The following OSGIN2 variants were observed in gnomAD, a reference collection of about 807,000 sequenced individuals.
The protein encoded by OSGIN2 is oxidative stress induced growth inhibitor family member 2.
Under a neutral mutation model 53.8 loss-of-function variants are expected in OSGIN2, and 19 were observed. The observed-to-expected ratio is 0.35, with a 90% CI of 0.25 to 0.52. OSGIN2 has a LOEUF of 0.52. Ranked by LOEUF, OSGIN2 falls within the 20% of genes least tolerant of loss-of-function variation. OSGIN2 has a pLI of 0.95. For synonymous variants in OSGIN2, 236 were observed against 236.0 expected (o/e 1.00, Z 0.00); for missense variants, 520 against 662.7 (o/e 0.78, Z 2.36).
At chr8:89,903,561 C>T (rs892985159) in intron 1 of OSGIN2, among the ~76,000 whole-genome samples, 1 of 152,132 alleles carries the variant, frequency 6.6e-6, no homozygotes, top group Non-Finnish European at 1.5e-5. Flanking sequence ...CAGAATAATT[C>T]TATGTAAGAC....
chr8:89,922,851 T>C (rs1809237789), intron 5 of OSGIN2, among the ~76,000 whole-genome samples: 1 of 152,186 alleles, frequency 6.6e-6, no homozygotes, highest in Non-Finnish European at 1.5e-5. Flanking sequence ...CTATAGGGTA[T>C]AGCCTGTTGC....
Position 89,909,778 on chromosome 8 carries a change from T to C in OSGIN2, c.199+57T>C, listed in dbSNP as rs1272719874. 7 of 1,131,750 alleles carry C rather than the reference T, an allele frequency of 6.2e-6. No homozygotes were observed. In the Admixed American group the frequency reaches 1.7e-4, roughly 27 times the overall value. The allele number at this position is 1,131,750 out of a possible 1,614,324, so 70.1% of individuals were successfully genotyped here. The stretch of plus-strand genomic sequence containing the variant: ...TAGTTAATGACCCTTAATACTTTTA[T>C]AAATCTACAGTTAGTACAAGTTCTT... On this transcript the variant is annotated intron_variant, in intron 2 of 5. Transcript: ENST00000451899.
rs554186972 is a variant in OSGIN2 at position 89,905,840 on chromosome 8, G to A, written c.44+3003G>A. ...AGACCTAATATATAAATTCAACGGT[G>A]TTGCAGGATGCAAAATCAACATACA... On this transcript the variant is annotated intron_variant, in intron 1 of 5. Transcript: ENST00000451899. Among the ~76,000 whole-genome samples the A allele has an allele frequency of 3.3e-5, 5 of 152,332 alleles. No homozygotes were observed. The East Asian group carries it at 9.6e-4, about 29-fold the overall frequency.
intron 5 of OSGIN2, 188 bp downstream of exon 5, chr8:89,921,359 C>G (rs936769310): frequency 6.0e-6 from 3 of 498,332 alleles, no homozygotes; most frequent in Non-Finnish European, 1.1e-5. Context: ...AAACTAAGCA[C>G]AGAGCTAAGG....
chr8:89,924,335 T>A (rs191795170), intron 5 of OSGIN2, among the ~76,000 whole-genome samples, 168 bp from the exon 6 acceptor site: 1 of 152,296 alleles, frequency 6.6e-6, no homozygotes, highest in Non-Finnish European at 1.5e-5. Context: ...AAGTAACTCA[T>A]GAAGATTTTT....
intron 1 of OSGIN2, among the ~76,000 whole-genome samples, chr8:89,906,078 ATAT>A (rs1808833138): frequency 2.0e-5 from 3 of 152,228 alleles, no homozygotes; most frequent in Admixed American, 1.3e-4. Context: ...GAAAAACTTA[ATAT>A]TCTGTTTTTT....
At chr8:89,904,319 G>C (rs1196556056) in intron 1 of OSGIN2, among the ~76,000 whole-genome samples, 1 of 152,154 alleles carries the variant, frequency 6.6e-6, no homozygotes, top group Non-Finnish European at 1.5e-5. Flanking sequence ...GCACAGTGTA[G>C]GATTCATATT....
chr8:89,925,509 G>A lies in OSGIN2; in HGVS notation c.1627G>A (p.Gly543Arg). ...QKKKHLFVER[G>R]GGDGIA The stretch of plus-strand genomic sequence containing the variant: ...GAAAAAGCATTTGTTTGTTGAAAGA[G>A]GAGGAGGAGATGGGATAGCTTAAAG... Residue 543 changes from glycine to arginine, a missense_variant, in exon 6 of 6, where the codon GGA becomes AGA. Gly to Arg is a moderately radical substitution (Grantham distance 125, BLOSUM62 -2). Transcript: ENST00000451899. The A allele has an allele frequency of 1.2e-6, 2 of 1,612,662 alleles. No individual in the cohort carries two copies. The highest frequency in any genetic ancestry group is 2.2e-5 in the East Asian group (1 of 44,860).
At chr8:89,910,264 A>G (rs1337810284) in intron 2 of OSGIN2, among the ~76,000 whole-genome samples, 1 of 152,246 alleles carries the variant, frequency 6.6e-6, no homozygotes, top group African/African-American at 2.4e-5. Flanking sequence ...TTAAGATATT[A>G]AAAATTAAAC....
chr8:89,916,977 A>G (rs752153474), intron 4 of OSGIN2, among the ~76,000 whole-genome samples: 28 of 152,078 alleles, frequency 1.8e-4, no homozygotes, highest in Non-Finnish European at 3.4e-4. Context: ...TAGCTTTTCT[A>G]CCATTCCAGA....
chr8:89,920,446 T>C (rs1437479322), intron 4 of OSGIN2, among the ~76,000 whole-genome samples: 3 of 152,210 alleles, frequency 2.0e-5, no homozygotes, highest in Non-Finnish European at 4.4e-5. Flanking sequence ...TTTGGGCTTT[T>C]CTTGCTTTGT....
chr8:89,909,035 A>AAAAAAAAAAT (rs1563465148), intron 1 of OSGIN2, among the ~76,000 whole-genome samples: 1 of 100,238 alleles, frequency 1.0e-5, no homozygotes, highest in African/African-American at 6.2e-5. Context: ...AAAAAAAAAA[A>AAAAAAAAAAT]AAATATATAT....
At chr8:89,902,875 G>A (rs1808753821) in intron 1 of OSGIN2, 38 bp downstream of exon 1, 2 of 1,330,528 alleles carry the variant, frequency 1.5e-6, no homozygotes, top group South Asian at 1.9e-5. Context: ...GAGCAGGCGG[G>A]GATGCCGCGC....
chr8:89,925,389 C>T lies in OSGIN2; in HGVS notation c.1507C>T (p.Leu503Phe). 1 of 1,613,996 alleles carries T rather than the reference C, an allele frequency of 6.2e-7. No individual in the cohort carries two copies. Among genetic ancestry groups the T allele is most frequent in the Admixed American group, 1.7e-5 (1 of 60,006 alleles). The change falls in exon 6 of 6, where the codon CTT becomes TTT. Residue 503 changes from leucine to phenylalanine, a missense_variant. Leu to Phe is a conservative substitution (Grantham distance 22). This residue lies in a region of OSGIN2 where 239 missense variants were observed against 328.3 expected (regional missense o/e 0.73). Transcript: ENST00000451899. The part of the protein sequence containing the change: ...YTYECIKEAN[L>F]FALGPLVGDN... Reference sequence around the variant, plus strand: ...CTATGAGTGTATTAAAGAAGCCAACCTTTTTGCATTGGGTCCTTTGGTTGG... The same window carrying T: ...CTATGAGTGTATTAAAGAAGCCAACTTTTTTGCATTGGGTCCTTTGGTTGG...
chr8:89,918,663 T>C (rs1225763907), intron 4 of OSGIN2, among the ~76,000 whole-genome samples: 1 of 152,208 alleles, frequency 6.6e-6, no homozygotes, highest in Non-Finnish European at 1.5e-5. Flanking sequence ...ATACATTCCC[T>C]TGATTATTCT....
Position 89,925,703 on chromosome 8 carries a change from G to A in OSGIN2, c.*171G>A. 1.8e-6 allele frequency: 1 copy of A among 560,006 alleles called. No individual in the cohort carries two copies. 34.7% of individuals were successfully genotyped at this position (560,006 alleles called of 1,614,324 possible). ...AGAATTTGGTATCCTGATTTATATTGCAGTGTTTCAAAGGTGTCACTGTCA... is the reference window on the plus strand; with the variant it reads ...AGAATTTGGTATCCTGATTTATATTACAGTGTTTCAAAGGTGTCACTGTCA... On this transcript the variant is annotated 3_prime_UTR_variant, in exon 6 of 6. Coordinates refer to ENST00000451899, the MANE Select transcript of OSGIN2 (RefSeq NM_001126111.3).
intron 2 of OSGIN2, among the ~76,000 whole-genome samples, chr8:89,911,428 G>A (rs1251683920): frequency 2.6e-5 from 4 of 151,928 alleles, no homozygotes; most frequent in African/African-American, 9.7e-5. Flanking sequence ...ACAGGAGTTC[G>A]AGACCAGCCT....
chr8:89,904,754 C>T (rs1006581297), intron 1 of OSGIN2, among the ~76,000 whole-genome samples: 2 of 152,090 alleles, frequency 1.3e-5, no homozygotes, highest in African/African-American at 4.8e-5. Flanking sequence ...AGACACGTTG[C>T]AGTGACCTGA....
chr8:89,927,168 T>C lies in OSGIN2; in HGVS notation c.*1636T>C, dbSNP rs887979750. 2 of 152,306 alleles carry C rather than the reference T, an allele frequency of 1.3e-5. No homozygotes were observed. Among genetic ancestry groups the C allele is most frequent in the East Asian group, 3.9e-4 (2 of 5,184 alleles). 9.4% of individuals were successfully genotyped at this position (152,306 alleles called of 1,614,324 possible). A position where few individuals can be genotyped will look rare whatever the true frequency, so the allele number is the denominator to read the frequency against. ...GAGTTGGATTAGATGTTTTTCTTAC[T>C]GTCACTTCTAAATAGAAAATGACAG... On this transcript the variant is annotated 3_prime_UTR_variant, in exon 6 of 6. Transcript: ENST00000451899.
Sources: gnomAD v4.1 joint callset for allele counts (sites outside exome capture counted in the v4.1 genomes callset) on GRCh38, gnomAD v4.1.1 for gene constraint, gnomAD v4.1.1 regional missense constraint, MANE v1.5 for transcripts, NCBI Gene and HGNC (gene_info 2026-07-23, HGNC 2026-07-21) for gene names.